The following ZNF438 variants were observed in gnomAD, a reference collection of about 807,000 sequenced individuals.
ZNF438 encodes zinc finger protein 438.
Under a neutral mutation model 38.0 loss-of-function variants are expected in ZNF438, and 25 were observed. The ratio of observed to expected loss-of-function variants is 0.66; its 90% CI spans 0.48 to 0.92. The LOEUF (loss-of-function observed/expected upper bound fraction) is 0.92, where lower values mean the gene tolerates loss of function less well. Ranked by LOEUF, ZNF438 falls within the 40% of genes least tolerant of loss-of-function variation. The pLI, the probability that ZNF438 is intolerant of heterozygous loss-of-function variation, is 0.00. For missense variants in ZNF438, 1,007 were observed against 999.6 expected, an observed-to-expected ratio of 1.01 and a Z score of -0.10; for synonymous variants, 372 against 364.1, an observed-to-expected ratio of 1.02 and a Z score of -0.25.
At chr10:30,901,986 C>T (rs573815805) in intron 3 of ZNF438, among the ~76,000 whole-genome samples, 4 of 151,574 alleles carry the variant, frequency 2.6e-5, no homozygotes, top group South Asian at 4.2e-4. Context: ...GGTTCGTGAT[C>T]TGGCTGGCTT....
intron 1 of ZNF438, among the ~76,000 whole-genome samples, chr10:31,002,534 C>T (rs2054759365): frequency 6.6e-6 from 1 of 152,144 alleles, no homozygotes; most frequent in African/African-American, 2.4e-5. Flanking sequence ...CTATTTTCTA[C>T]TACTTTTCAA....
At chr10:30,881,008 A>C (rs2039171530) in intron 3 of ZNF438, among the ~76,000 whole-genome samples, 1 of 152,204 alleles carries the variant, frequency 6.6e-6, no homozygotes, top group African/African-American at 2.4e-5. Context: ...AACACATCTT[A>C]TGAGAAACCT....
chr10:30,929,881 A>C (rs190803630), intron 2 of ZNF438, among the ~76,000 whole-genome samples: 2 of 152,254 alleles, frequency 1.3e-5, no homozygotes, highest in Admixed American at 6.5e-5. Context: ...CAGAGTGCTA[A>C]TTGGTGCATT....
chr10:30,886,502 T>C (rs1005054158), intron 3 of ZNF438, among the ~76,000 whole-genome samples: 1 of 152,174 alleles, frequency 6.6e-6, no homozygotes, highest in African/African-American at 2.4e-5. Context: ...AATTCAAAAA[T>C]GTGTTGAATA....
At chr10:30,992,579 AT>A (rs1471355398) in intron 1 of ZNF438, among the ~76,000 whole-genome samples, 2 of 151,964 alleles carry the variant, frequency 1.3e-5, no homozygotes, top group Non-Finnish European at 2.9e-5. Context: ...AGCCCCACTA[AT>A]TTTTGTATTT....
At position 30,901,412 on chromosome 10, in the gene ZNF438, G is replaced by A. The variant is rs975060437; in HGVS notation, c.-32+7521C>T. Among the ~76,000 whole-genome samples the A allele has an allele frequency of 5.3e-5, 8 of 151,800 alleles. No homozygotes were observed. In the South Asian group the frequency reaches 1.3e-3, roughly 24 times the overall value. On this transcript the variant is annotated intron_variant, in intron 3 of 5. Coordinates refer to ENST00000413025, the Ensembl canonical transcript of ZNF438. ...GTGTTACAGTTCTTAAAGGCGGCAC[G>A]TCCGGAGTTTGTTCCTTCTGATGTT...
chr10:30,864,245 C>A (rs1462479008), intron 4 of ZNF438, among the ~76,000 whole-genome samples: 1 of 152,184 alleles, frequency 6.6e-6, no homozygotes, highest in Non-Finnish European at 1.5e-5. Flanking sequence ...ATACAATGCT[C>A]AAATCCTGAT....
At chr10:30,956,735 G>A (rs2048906400) in intron 1 of ZNF438, among the ~76,000 whole-genome samples, 1 of 152,132 alleles carries the variant, frequency 6.6e-6, no homozygotes, top group African/African-American at 2.4e-5. Context: ...TTCTATGGCT[G>A]AATAGTATTC....
At position 31,022,285 on chromosome 10, in the gene ZNF438, G is replaced by A. The variant is rs183859709; in HGVS notation, c.-192+9548C>T. Among the ~76,000 whole-genome samples the A allele has an allele frequency of 1.2e-3, 178 of 150,402 alleles. 1 individual carries two copies. The highest frequency in any genetic ancestry group is 4.3e-3 in the African/African-American group (175 of 40,846). ...CTTTTTTTTTTCTTTTTTTTGAGAC[G>A]GAGTCTCACTCTGTCACCCAGGCTG... On this transcript the variant is annotated intron_variant, in intron 1 of 5. Coordinates refer to ENST00000413025, the Ensembl canonical transcript of ZNF438.
chr10:31,032,367 C>G (rs1199185277), upstream of ZNF438, among the ~76,000 whole-genome samples: 1 of 152,220 alleles, frequency 6.6e-6, no homozygotes. Flanking sequence ...CCCAGGGTCC[C>G]TCGCTCCTCC....
chr10:30,996,667 G>C (rs2054078303), intron 1 of ZNF438, among the ~76,000 whole-genome samples: 1 of 151,452 alleles, frequency 6.6e-6, no homozygotes, highest in African/African-American at 2.4e-5. Flanking sequence ...AAATCAACAA[G>C]AATACAGAAG....
intron 4 of ZNF438, among the ~76,000 whole-genome samples, chr10:30,857,074 C>A (rs2133027343): frequency 6.6e-6 from 1 of 152,208 alleles, no homozygotes; most frequent in Middle Eastern, 3.4e-3. Flanking sequence ...TGCCAAAGTC[C>A]ACATAACCCA....
intron 3 of ZNF438, among the ~76,000 whole-genome samples, chr10:30,891,001 G>A (rs759761022): frequency 1.6e-4 from 24 of 152,070 alleles, no homozygotes; most frequent in Non-Finnish European, 3.1e-4. Context: ...TTCCAATGTC[G>A]GTGTGAAGAA....
At chr10:31,021,920 CAA>C (rs2056623986) in intron 1 of ZNF438, among the ~76,000 whole-genome samples, 1 of 139,670 alleles carries the variant, frequency 7.2e-6, no homozygotes, top group African/African-American at 3.4e-5. Context: ...GAGAAGCTGC[CAA>C]AGAACTCAAC....
At chr10:31,025,633 A>G (rs1249917565) in intron 1 of ZNF438, among the ~76,000 whole-genome samples, 1 of 152,230 alleles carries the variant, frequency 6.6e-6, no homozygotes, top group Non-Finnish European at 1.5e-5. Context: ...TTTCATCGAC[A>G]TACTGGTTTT....
rs1318777174 is a variant in ZNF438, at chr10:30,877,075, A to C, written c.-31-10T>G. On this transcript the variant is annotated splice_polypyrimidine_tract_variant and intron_variant, in intron 3 of 5. Transcript: ENST00000413025. Reference sequence around the variant, plus strand: ...TTGAATAGTATCTTTCCTAAAAATAAGCAAGCACAAATAAGTATTAGAAAG... The same window carrying C: ...TTGAATAGTATCTTTCCTAAAAATACGCAAGCACAAATAAGTATTAGAAAG... 1 of 1,533,744 alleles carries C rather than the reference A, an allele frequency of 6.5e-7. No homozygotes were observed. The highest frequency in any genetic ancestry group is 8.9e-7 in the Non-Finnish European group (1 of 1,121,310).
At chr10:30,923,054 C>T (rs2044501196) in intron 2 of ZNF438, among the ~76,000 whole-genome samples, 1 of 152,180 alleles carries the variant, frequency 6.6e-6, no homozygotes, top group Non-Finnish European at 1.5e-5. Flanking sequence ...GCACATCCCC[C>T]TCCAAGTTAA....
At chr10:31,012,136 T>G (rs1785000076) in intron 1 of ZNF438, among the ~76,000 whole-genome samples, 1 of 150,406 alleles carries the variant, frequency 6.6e-6, no homozygotes, top group Admixed American at 6.6e-5. Context: ...TTTCTTTTTT[T>G]TTTTGAGATG....
At chr10:31,013,585 A>G (rs1286641561) in intron 1 of ZNF438, among the ~76,000 whole-genome samples, 1 of 152,104 alleles carries the variant, frequency 6.6e-6, no homozygotes, top group African/African-American at 2.4e-5. Context: ...ACACACGCAC[A>G]TTCTTCCCTC....
Sources: allele counts gnomAD v4.1 joint callset (sites outside exome capture counted in the v4.1 genomes callset), GRCh38; gene constraint gnomAD v4.1.1; transcripts MANE v1.5; gene names NCBI Gene and HGNC (gene_info 2026-07-23, HGNC 2026-07-21).